The following RFX4 variants were observed in gnomAD, a reference collection of about 807,000 sequenced individuals.
The protein encoded by RFX4 is regulatory factor X4.
In RFX4, 10 loss-of-function variants were observed where a neutral mutation model predicts 95.0. The ratio of observed to expected loss-of-function variants is 0.11; its 90% CI spans 0.06 to 0.18. The LOEUF is 0.18. Among genes scored for constraint, RFX4 ranks in the 10% least tolerant of loss-of-function variants. The pLI is 1.00. For missense variants in RFX4, 640 were observed against 922.0 expected (o/e 0.69, Z 3.96); for synonymous variants, 321 against 340.7 (o/e 0.94, Z 0.64).
chr12:106,714,279 G>T (rs567208902), intron 10 of RFX4, among the ~76,000 whole-genome samples: 7 of 152,142 alleles, frequency 4.6e-5, no homozygotes, highest in Admixed American at 3.9e-4. Flanking sequence ...CCCCAAGTCA[G>T]CTGCTCAGCA....
intron 3 of RFX4, among the ~76,000 whole-genome samples, chr12:106,643,264 C>T (rs966805465): frequency 1.3e-5 from 2 of 152,158 alleles, no homozygotes; most frequent in Non-Finnish European, 2.9e-5. Context: ...GCACACTCAG[C>T]GTCCACCACT....
At chr12:106,688,183 C>T (rs1039741470) in intron 6 of RFX4, among the ~76,000 whole-genome samples, 1 of 151,272 alleles carries the variant, frequency 6.6e-6, no homozygotes, top group African/African-American at 2.4e-5. Context: ...AATTCTCCTG[C>T]CTCAGCCTCC....
chr12:106,709,316 G>C lies in RFX4; in HGVS notation c.834-14G>C, dbSNP rs377322013. On this transcript the variant is annotated splice_polypyrimidine_tract_variant and intron_variant, in intron 8 of 17. Coordinates refer to ENST00000392842, the MANE Select transcript of RFX4 (RefSeq NM_213594.3). ...ACATGTGCAGCACTTAAAACTCATC[G>C]TTTCTTTTTCTAGCTTAACTCAGGT... 28 of 1,610,248 alleles carry C rather than the reference G, an allele frequency of 1.7e-5. No individual in the cohort carries two copies. Among genetic ancestry groups the C allele is most frequent in the Non-Finnish European group, 2.0e-5 (23 of 1,177,094 alleles).
At chr12:106,722,182 C>T (rs144108420) in intron 13 of RFX4, among the ~76,000 whole-genome samples, 2 of 152,396 alleles carry the variant, frequency 1.3e-5, no homozygotes, top group Admixed American at 6.5e-5. Flanking sequence ...CTGGAAAAAT[C>T]ATTCATGCAG....
chr12:106,725,482 T>C (rs2042476746), intron 13 of RFX4, among the ~76,000 whole-genome samples: 2 of 152,260 alleles, frequency 1.3e-5, no homozygotes, highest in Middle Eastern at 3.2e-3. Context: ...TAGGTAAAAC[T>C]ATAACATGGA....
intron 16 of RFX4, 147 bp from the exon 17 acceptor site, chr12:106,750,508 A>C: frequency 1.3e-6 from 1 of 793,390 alleles, no homozygotes; most frequent in Non-Finnish European, 1.8e-6. Flanking sequence ...GAAAGAAAGA[A>C]AAATGGGATT....
At chr12:106,613,466 G>C (rs572695467) in intron 2 of RFX4, among the ~76,000 whole-genome samples, 2 of 151,322 alleles carry the variant, frequency 1.3e-5, no homozygotes, top group Non-Finnish European at 2.9e-5. Context: ...AGGTTCAAGC[G>C]ATTCTCCTGC....
chr12:106,636,711 GT>G (rs2040521581), intron 2 of RFX4, among the ~76,000 whole-genome samples: 1 of 152,212 alleles, frequency 6.6e-6, no homozygotes, highest in African/African-American at 2.4e-5. Context: ...AGTTAGAATG[GT>G]TTTGGTGGCA....
chr12:106,606,926 C>T (rs1262541774), intron 1 of RFX4, among the ~76,000 whole-genome samples: 5 of 152,148 alleles, frequency 3.3e-5, no homozygotes, highest in African/African-American at 7.2e-5. Context: ...ATCTTTTCCT[C>T]GGCTCTTTGA....
chr12:106,710,480 C>T (rs1421101230), intron 9 of RFX4, among the ~76,000 whole-genome samples: 1 of 152,160 alleles, frequency 6.6e-6, no homozygotes, highest in Non-Finnish European at 1.5e-5. Flanking sequence ...CCTCCCACCC[C>T]CATTCCTCCA....
At chr12:106,635,251 G>A (rs2040487373) in intron 2 of RFX4, among the ~76,000 whole-genome samples, 1 of 152,190 alleles carries the variant, frequency 6.6e-6, no homozygotes, top group African/African-American at 2.4e-5. Flanking sequence ...CAACATGCCA[G>A]TGCAAGCTAG....
intron 1 of RFX4, chr12:106,601,324 G>A: frequency 6.3e-7 from 1 of 1,590,938 alleles, no homozygotes; most frequent in Non-Finnish European, 8.6e-7. Flanking sequence ...ACAGGACCAG[G>A]CCTCGACGGC....
At chr12:106,751,746 T>C (rs1025134246) in intron 17 of RFX4, among the ~76,000 whole-genome samples, 16 of 152,182 alleles carry the variant, frequency 1.1e-4, no homozygotes, top group African/African-American at 3.6e-4. Flanking sequence ...TTTTGAGAAG[T>C]GTCTGTTCAT....
At chr12:106,599,836 C>A (rs1278718695) in intron 1 of RFX4, among the ~76,000 whole-genome samples, 1 of 152,006 alleles carries the variant, frequency 6.6e-6, no homozygotes, top group African/African-American at 2.4e-5. Flanking sequence ...TGCATGTGAT[C>A]CTGGCAAAAT....
At chr12:106,636,138 T>C (rs1346475829) in intron 2 of RFX4, among the ~76,000 whole-genome samples, 2 of 152,108 alleles carry the variant, frequency 1.3e-5, no homozygotes, top group African/African-American at 4.8e-5. Context: ...GATGGATGTA[T>C]ACAGAAATAA....
intron 2 of RFX4, 147 bp downstream of exon 2, chr12:106,609,030 CTGTAATATTCCACAA>C: frequency 1.5e-6 from 1 of 648,682 alleles, no homozygotes; most frequent in Non-Finnish European, 2.6e-6. Flanking sequence ...CAGGTCCTCT[CTGTAATATTCCACAA>C]TGGGGAGAGG....
rs768601178 is a variant in RFX4, at chr12:106,720,889, C to T, written c.1351+13C>T. On this transcript the variant is annotated intron_variant, in intron 13 of 17. Transcript: ENST00000392842. The surrounding 1 kb of genome is among the most constrained non-coding windows in gnomAD (Gnocchi z 4.2). ...GCCCCCAGCTTCGGTAAGGCCACCC[C>T]AGCCCTCCCCATCTCCAAGCACTTT... 4.4e-6 allele frequency: 7 copies of T among 1,608,404 alleles called. No homozygotes were observed. The African/African-American group carries it at 6.7e-5, about 15-fold the overall frequency.
At chr12:106,604,080 T>A (rs2039770333) in intron 1 of RFX4, among the ~76,000 whole-genome samples, 1 of 151,578 alleles carries the variant, frequency 6.6e-6, no homozygotes, top group Admixed American at 6.6e-5. Context: ...CAGAAGCCAG[T>A]CTTATTCATG....
At chr12:106,591,436 T>C (rs1002000132) in intron 1 of RFX4, among the ~76,000 whole-genome samples, 5 of 152,012 alleles carry the variant, frequency 3.3e-5, no homozygotes, top group South Asian at 2.1e-4. Context: ...CTGGCTAATT[T>C]TTTGTATTTT....
Sources: allele counts gnomAD v4.1 joint callset (sites outside exome capture counted in the v4.1 genomes callset), GRCh38; gene constraint gnomAD v4.1.1; non-coding constraint Gnocchi (gnomAD v3.1); transcripts MANE v1.5; gene names NCBI Gene and HGNC (gene_info 2026-07-23, HGNC 2026-07-21).